The following ESR2 variants were observed in gnomAD, a reference collection of about 807,000 sequenced individuals.
ESR2 encodes the protein estrogen receptor beta.
A neutral mutation model predicts 49.6 loss-of-function variants in ESR2; 36 were observed. That is an observed-to-expected ratio of 0.73 (90% CI 0.56 to 0.96). The LOEUF (loss-of-function observed/expected upper bound fraction) is 0.96, where lower values mean the gene tolerates loss of function less well. Ranked by LOEUF, ESR2 falls within the 40% of genes least tolerant of loss-of-function variation. The pLI is 0.00. For synonymous variants in ESR2, 320 were observed against 266.1 expected, an observed-to-expected ratio of 1.20 and a Z score of -1.97; for missense variants, 714 against 693.0, an observed-to-expected ratio of 1.03 and a Z score of -0.34.
intron 3 of ESR2, among the ~76,000 whole-genome samples, chr14:64,272,614 T>C (rs1048546751): frequency 5.3e-5 from 8 of 152,232 alleles, no homozygotes; most frequent in Non-Finnish European, 1.0e-4. Flanking sequence ...CTTCTGTACA[T>C]GGATATCCAG....
upstream of ESR2, chr14:64,338,606 C>G (rs1000643690): frequency 6.6e-6 from 1 of 152,608 alleles, no homozygotes; most frequent in Non-Finnish European, 1.5e-5. Flanking sequence ...CGCCCGAACC[C>G]GCGAAACTGT....
At chr14:64,261,393 A>T (rs1369294337) in intron 4 of ESR2, among the ~76,000 whole-genome samples, 1 of 151,320 alleles carries the variant, frequency 6.6e-6, no homozygotes, top group Non-Finnish European at 1.5e-5. Context: ...GCCTGCCACC[A>T]TATTTTTCCA....
chr14:64,232,919 T>C lies in ESR2; in HGVS notation c.*218A>G, dbSNP rs1596360831. On this transcript the variant is annotated 3_prime_UTR_variant, in exon 9 of 9. Coordinates refer to ENST00000341099, the MANE Select transcript of ESR2 (RefSeq NM_001437.3). ...ATGAGGCCATTGAGTGTGGAAACGC[T>C]GCATTCAAATGTGCCCTCTGCTAAC... 1.1e-5 allele frequency: 10 copies of C among 876,270 alleles called. No homozygotes were observed. The South Asian group carries it at 3.1e-4, about 27-fold the overall frequency. 54.3% of individuals were successfully genotyped at this position (876,270 alleles called of 1,614,324 possible).
chr14:64,240,011 A>T lies in ESR2; in HGVS notation c.1226-4861T>A, dbSNP rs184095295. 1.3e-3 allele frequency among the ~76,000 whole-genome samples: 201 copies of T among 152,350 alleles called. 2 individuals are homozygous for T. Among genetic ancestry groups the T allele is most frequent in the Non-Finnish European group, 2.0e-3 (134 of 68,034 alleles). Reference sequence around the variant, plus strand: ...ACATCCTTAGTATTTAGAAGTCATTAATATACATACCAGAAACTGAGCTGA... The same window carrying T: ...ACATCCTTAGTATTTAGAAGTCATTTATATACATACCAGAAACTGAGCTGA... On this transcript the variant is annotated intron_variant, in intron 7 of 8. Coordinates refer to ENST00000341099, the MANE Select transcript of ESR2 (RefSeq NM_001437.3).
At chr14:64,266,798 G>T (rs2076338117) in intron 4 of ESR2, among the ~76,000 whole-genome samples, 1 of 152,100 alleles carries the variant, frequency 6.6e-6, no homozygotes, top group African/African-American at 2.4e-5. Flanking sequence ...CAAGGTTTAT[G>T]GGTTTTTTTC....
exon 1 of ESR2, chr14:64,338,101 T>A (rs981562098): frequency 6.5e-6 from 1 of 154,846 alleles, no homozygotes; most frequent in Non-Finnish European, 1.5e-5. Flanking sequence ...CTCTCGACAG[T>A]TAACTGGCAT....
intron 7 of ESR2, among the ~76,000 whole-genome samples, chr14:64,240,938 A>T (rs951117245): frequency 2.0e-5 from 3 of 151,730 alleles, no homozygotes; most frequent in African/African-American, 7.3e-5. Context: ...AGATCAGGAG[A>T]TCGAGACCAT....
chr14:64,237,117 T>C (rs1196738428), intron 7 of ESR2, among the ~76,000 whole-genome samples: 1 of 152,068 alleles, frequency 6.6e-6, no homozygotes, highest in Non-Finnish European at 1.5e-5. Flanking sequence ...TGCGCCACCA[T>C]GCCCAGCAAA....
chr14:64,324,420 T>G (rs1187505333), intron 1 of ESR2, among the ~76,000 whole-genome samples: 1 of 152,222 alleles, frequency 6.6e-6, no homozygotes, highest in Non-Finnish European at 1.5e-5. Context: ...ATCAGCTTTC[T>G]ACACCAAATA....
intron 1 of ESR2, among the ~76,000 whole-genome samples, chr14:64,331,902 G>A (rs2077465201): frequency 6.7e-6 from 1 of 149,544 alleles, no homozygotes; most frequent in African/African-American, 2.5e-5. Context: ...AACACTGGTA[G>A]AATGATGAAA....
In ESR2 at chr14:64,233,109, G is replaced by A; in HGVS notation, c.*28C>T. ...GTTCACGCTTCAGCCTGTGACCTCT[G>A]TGGGCCAGTTCACCTCAGGGCCAGG... On this transcript the variant is annotated 3_prime_UTR_variant, in exon 9 of 9. Transcript: ENST00000341099. 1 of 1,604,378 alleles carries A rather than the reference G, an allele frequency of 6.2e-7. No homozygotes were observed. The highest frequency in any genetic ancestry group is 8.5e-7 in the Non-Finnish European group (1 of 1,173,044).
intron 1 of ESR2, among the ~76,000 whole-genome samples, chr14:64,304,779 G>A (rs1487637205): frequency 6.6e-6 from 1 of 152,112 alleles, no homozygotes; most frequent in African/African-American, 2.4e-5. Context: ...GGGAGGCTGA[G>A]GTGGGAGGAT....
At chr14:64,249,069 A>C (rs2075929472) in intron 7 of ESR2, among the ~76,000 whole-genome samples, 1 of 152,164 alleles carries the variant, frequency 6.6e-6, no homozygotes. Flanking sequence ...TATTTTGTGT[A>C]GACTTTATCA....
chr14:64,333,214 T>C (rs1488684705), intron 1 of ESR2, among the ~76,000 whole-genome samples: 1 of 152,180 alleles, frequency 6.6e-6, no homozygotes, highest in African/African-American at 2.4e-5. Context: ...ATGGAGCTCA[T>C]ATGCTATATG....
At chr14:64,274,421 A>G (rs1283580123) in intron 3 of ESR2, among the ~76,000 whole-genome samples, 1 of 152,068 alleles carries the variant, frequency 6.6e-6, no homozygotes, top group Non-Finnish European at 1.5e-5. Context: ...GCCTATAATG[A>G]TCCTTTAGAT....
intron 4 of ESR2, 77 bp from the exon 5 acceptor site, chr14:64,260,825 C>T (rs999757917): frequency 7.4e-7 from 1 of 1,344,944 alleles, no homozygotes; most frequent in Non-Finnish European, 9.8e-7. Flanking sequence ...CTTTTATTTT[C>T]TGGAGCCTGT....
At position 64,282,934 on chromosome 14, in the gene ESR2, A is replaced by C; in HGVS notation, c.52T>G (p.Cys18Gly). ...TCCAGGGGTAAGATGGATTGACTGCAGTTGTAGGAGGAAGGAGAATTAAGG... is the reference window on the plus strand; with the variant it reads ...TCCAGGGGTAAGATGGATTGACTGCCGTTGTAGGAGGAAGGAGAATTAAGG... Reference protein sequence around the residue: ...SSLNSPSSYNCSQSILPLEHG... With the variant: ...SSLNSPSSYNGSQSILPLEHG... Residue 18 changes from cysteine to glycine, a missense_variant, in exon 2 of 9, where the codon TGC (cysteine) becomes GGC (glycine). Transcript: ENST00000341099. 1 of 1,614,060 alleles carries C rather than the reference A, an allele frequency of 6.2e-7. No individual in the cohort carries two copies. The highest frequency in any genetic ancestry group is 8.5e-7 in the Non-Finnish European group (1 of 1,179,924).
At chr14:64,227,967 T>G (rs761517968), downstream of ESR2, 3 of 1,583,678 alleles carry the variant, frequency 1.9e-6, no homozygotes, top group African/African-American at 2.7e-5. Flanking sequence ...TCAGAATGAT[T>G]ACAGAAAATC....
downstream of ESR2, chr14:64,227,993 T>G: frequency 6.4e-7 from 1 of 1,557,844 alleles, no homozygotes; most frequent in Non-Finnish European, 8.6e-7. Flanking sequence ...AAATAATCGA[T>G]GCACTGGATA....
Sources: gnomAD v4.1 joint callset for allele counts (sites outside exome capture counted in the v4.1 genomes callset) on GRCh38, gnomAD v4.1.1 for gene constraint, MANE v1.5 for transcripts, NCBI Gene and HGNC (gene_info 2026-07-23, HGNC 2026-07-21) for gene names.